The following ENPP1 variants were observed in gnomAD, a reference collection of about 807,000 sequenced individuals.
ENPP1 encodes the protein ectonucleotide pyrophosphatase/phosphodiesterase family member 1.
In ENPP1, 73 loss-of-function variants were observed where a neutral mutation model predicts 122.8. The ratio of observed to expected loss-of-function variants is 0.59; its 90% CI spans 0.49 to 0.72. ENPP1 has a LOEUF of 0.72. Ranked by LOEUF, ENPP1 falls within the 30% of genes least tolerant of loss-of-function variation. The pLI, the probability that ENPP1 is intolerant of heterozygous loss-of-function variation, is 0.00. For missense variants in ENPP1, 978 were observed against 1,128.1 expected, an observed-to-expected ratio of 0.87 and a Z score of 1.91; for synonymous variants, 367 against 391.6, an observed-to-expected ratio of 0.94 and a Z score of 0.74.
intron 1 of ENPP1, among the ~76,000 whole-genome samples, chr6:131,828,662 A>T (rs961885685): frequency 2.0e-5 from 3 of 152,224 alleles, no homozygotes; most frequent in African/African-American, 7.2e-5. Flanking sequence ...CGGGGGTTTC[A>T]GTACCTGTGG....
At chr6:131,878,189 G>A (rs1202002207) in intron 18 of ENPP1, among the ~76,000 whole-genome samples, 2 of 151,902 alleles carry the variant, frequency 1.3e-5, no homozygotes, top group Admixed American at 6.6e-5. Context: ...GAGACCAGGA[G>A]TTCAAGACCA....
At chr6:131,837,351 C>A (rs1228086471) in intron 1 of ENPP1, among the ~76,000 whole-genome samples, 2 of 151,822 alleles carry the variant, frequency 1.3e-5, no homozygotes, top group African/African-American at 4.8e-5. Context: ...CATGGTGAAA[C>A]CCCGTCTCTA....
chr6:131,847,935 A>G (rs1781833840), intron 2 of ENPP1, 87 bp downstream of exon 2: 1 of 1,019,498 alleles, frequency 9.8e-7, no homozygotes, highest in Non-Finnish European at 1.5e-6. Context: ...ATTGAGGTAA[A>G]CATTATCTCC....
At chr6:131,829,361 T>C (rs1781583377) in intron 1 of ENPP1, among the ~76,000 whole-genome samples, 1 of 152,226 alleles carries the variant, frequency 6.6e-6, no homozygotes, top group Non-Finnish European at 1.5e-5. Flanking sequence ...GGGGACAATT[T>C]TTCTTTTCTT....
chr6:131,854,821 A>G (rs896994994), intron 5 of ENPP1, 105 bp from the exon 6 acceptor site: 6 of 794,684 alleles, frequency 7.6e-6, no homozygotes, highest in Non-Finnish European at 1.3e-5. Context: ...CACAGACCTT[A>G]GTGGAAAATC....
intron 15 of ENPP1, 76 bp from the exon 16 acceptor site, chr6:131,874,192 T>G (rs1454343110): frequency 3.2e-6 from 3 of 931,958 alleles, no homozygotes; most frequent in Non-Finnish European, 5.3e-6. Context: ...TTTTAATCAA[T>G]GAAAATAATG....
At chr6:131,863,476 T>C (rs1782048312) in intron 9 of ENPP1, among the ~76,000 whole-genome samples, 2 of 152,102 alleles carry the variant, frequency 1.3e-5, no homozygotes, top group South Asian at 4.2e-4. Context: ...GAACAGAAAA[T>C]ATCTTAAATC....
chr6:131,884,998 C>T lies in ENPP1; in HGVS notation c.2379C>T (p.Val793=), dbSNP rs755592935. The T allele has an allele frequency of 1.2e-5, 20 of 1,613,720 alleles. No individual in the cohort carries two copies. The East Asian group carries it at 1.8e-4, about 14-fold the overall frequency. ...KYAEERNGVN[V]VSGPVFDFDY... is the part of the protein sequence containing the mutation. ...CTGAAGAAAGAAATGGTGTCAATGT[C>T]GTCAGTGGTCCTGTGTTTGACTTTG... Residue 793 remains valine, a synonymous_variant, in exon 23 of 25, where the codon GTC becomes GTT. Coordinates refer to ENST00000647893, the MANE Select transcript of ENPP1 (RefSeq NM_006208.3).
rs757736057 is a variant in ENPP1 at position 131,851,204 on chromosome 6, G to A, written c.493G>A (p.Ala165Thr). The change falls in exon 4 of 25, where the codon GCC becomes ACC. Residue 165 changes from alanine to threonine, a missense_variant. Ala to Thr is a moderately conservative substitution (Grantham distance 58). This residue lies in a region of ENPP1 where 330 missense variants were observed against 328.5 expected (regional missense o/e 1.00). Transcript: ENST00000647893. Reference sequence around the variant, plus strand: ...GAAAAGGTTGACCAGAAGCCTCTGTGCCTGTTCAGATGACTGCAAGGACAA... The same window carrying A: ...GAAAAGGTTGACCAGAAGCCTCTGTACCTGTTCAGATGACTGCAAGGACAA... The part of the protein sequence containing the change: ...GEKRLTRSLC[A>T]CSDDCKDKGD... 1.2e-6 allele frequency: 2 copies of A among 1,614,090 alleles called. No homozygotes were observed. The highest frequency in any genetic ancestry group is 2.2e-5 in the South Asian group (2 of 91,084).
intron 1 of ENPP1, among the ~76,000 whole-genome samples, chr6:131,828,717 G>A (rs1263914385): frequency 1.3e-5 from 2 of 152,164 alleles, no homozygotes; most frequent in Non-Finnish European, 2.9e-5. Context: ...AAAACAAACC[G>A]GAGCCCTGTG....
At chr6:131,811,533 A>G (rs539766963) in intron 1 of ENPP1, among the ~76,000 whole-genome samples, 1 of 152,258 alleles carries the variant, frequency 6.6e-6, no homozygotes, top group African/African-American at 2.4e-5. Context: ...CAGCAGTTAC[A>G]AATGGGTTTT....
chr6:131,825,551 T>A, intron 1 of ENPP1, among the ~76,000 whole-genome samples: 1 of 152,200 alleles, frequency 6.6e-6, no homozygotes, highest in East Asian at 1.9e-4. Context: ...GGAACATTTT[T>A]AGCATCTTAA....
chr6:131,861,963 G>A (rs904639741), intron 9 of ENPP1, among the ~76,000 whole-genome samples: 5 of 152,038 alleles, frequency 3.3e-5, no homozygotes, highest in Admixed American at 2.0e-4. Context: ...GAGGTCAGGA[G>A]TTTGAGACCA....
chr6:131,886,311 A>G (rs1475349889), intron 23 of ENPP1, among the ~76,000 whole-genome samples: 2 of 152,236 alleles, frequency 1.3e-5, no homozygotes, highest in East Asian at 1.9e-4. Context: ...AGGTAGAACT[A>G]AAAGAATTCT....
At chr6:131,848,441 T>C (rs894954350) in intron 2 of ENPP1, among the ~76,000 whole-genome samples, 3 of 152,126 alleles carry the variant, frequency 2.0e-5, no homozygotes, top group South Asian at 2.1e-4. Context: ...AATAAAATCA[T>C]TGATGGTCAT....
Position 131,860,504 on chromosome 6 carries a change from C to T in ENPP1, c.913C>T (p.Pro305Ser), listed in dbSNP as rs374270497. ...KFNPEWYKGE[P>S]IWVTAKYQGL... ...TAATCCTGAGTGGTACAAAGGAGAA[C>T]CAGTGAGTTCTTTGTTTTTCTACTA... Residue 305 changes from proline (P) to serine (S), a missense_variant and splice_region_variant, in exon 8 of 25, where the codon CCA becomes TCA. Pro to Ser is a moderately conservative substitution (Grantham distance 74). This residue lies in a region of ENPP1 where 644 missense variants were observed against 781.5 expected (regional missense o/e 0.82). Coordinates refer to ENST00000647893, the MANE Select transcript of ENPP1 (RefSeq NM_006208.3). 1.9e-6 allele frequency: 3 copies of T among 1,589,036 alleles called. No individual in the cohort carries two copies. Among genetic ancestry groups the T allele is most frequent in the African/African-American group, 1.3e-5 (1 of 74,222 alleles).
At chr6:131,860,601 A>G (rs1782009399) in intron 8 of ENPP1, 95 bp downstream of exon 8, 1 of 947,842 alleles carries the variant, frequency 1.1e-6, no homozygotes, top group Admixed American at 2.0e-5. Flanking sequence ...TTAATAACTG[A>G]TTTCATTTAG....
At chr6:131,857,126 C>T (rs1329395718) in intron 6 of ENPP1, among the ~76,000 whole-genome samples, 1 of 151,842 alleles carries the variant, frequency 6.6e-6, no homozygotes, top group Admixed American at 6.6e-5. Context: ...GTTAGAATGG[C>T]AATCATTAAA....
Position 131,887,639 on chromosome 6 carries a change from AG to A in ENPP1, c.2607+916del, listed in dbSNP as rs557709410. Among the ~76,000 whole-genome samples the A allele has an allele frequency of 2.7e-4, 40 of 147,042 alleles. No individual in the cohort carries two copies. The East Asian group carries it at 7.5e-3, about 28-fold the overall frequency. ...AGTGGCATGATCTCGGCTCACTGCAAGCTCCGCCTTCTGGGCTCACGCCATT... is the reference window on the plus strand; with the variant it reads ...AGTGGCATGATCTCGGCTCACTGCAACTCCGCCTTCTGGGCTCACGCCATT... On this transcript the variant is annotated intron_variant, in intron 24 of 24. Coordinates refer to ENST00000647893, the MANE Select transcript of ENPP1 (RefSeq NM_006208.3).
Sources: allele counts gnomAD v4.1 joint callset (sites outside exome capture counted in the v4.1 genomes callset), GRCh38; gene constraint gnomAD v4.1.1; regional missense constraint gnomAD v4.1.1; transcripts MANE v1.5; gene names NCBI Gene and HGNC (gene_info 2026-07-23, HGNC 2026-07-21).